Variants in FAT4 observed in about 807,000 individuals in gnomAD.
FAT4 encodes the protein FAT atypical cadherin 4, also known as protocadherin Fat 4.
FAT4 carries 84 observed loss-of-function variants against 303.9 expected under a neutral mutation model. The ratio of observed to expected loss-of-function variants is 0.28; its 90% CI spans 0.23 to 0.33. The LOEUF (loss-of-function observed/expected upper bound fraction) is 0.33. FAT4 is among the 10% of genes least tolerant of loss of function. FAT4 has a pLI of 1.00. For missense variants in FAT4, 6,005 were observed against 6,146.8 expected, an observed-to-expected ratio of 0.98 and a Z score of 0.77; for synonymous variants, 2,307 against 2,298.8, an observed-to-expected ratio of 1.00 and a Z score of -0.10.
chr4:125,427,015 C>T (rs1725108468), intron 7 of FAT4, among the ~76,000 whole-genome samples: 1 of 151,826 alleles, frequency 6.6e-6, no homozygotes, highest in South Asian at 2.1e-4. Context: ...TATTTTCACT[C>T]AGGAGGCAGG....
rs748966577 is a variant in FAT4, at chr4:125,446,394, C to T, written c.7301C>T (p.Thr2434Ile). 2 of 1,613,332 alleles carry T rather than the reference C, an allele frequency of 1.2e-6. No homozygotes were observed. The highest frequency in any genetic ancestry group is 1.7e-6 in the Non-Finnish European group (2 of 1,179,552). The change falls in exon 9 of 18, where the codon ACT becomes ATT. Residue 2434 changes from threonine (T) to isoleucine (I), a missense_variant. Thr to Ile is a moderately conservative substitution (Grantham distance 89). Transcript: ENST00000394329. Reference sequence around the variant, plus strand: ...GATAGGGAAACAAAAGATAATTATACTTTGGTAGTGGTCTGCAGTGATGCG... The same window carrying T: ...GATAGGGAAACAAAAGATAATTATATTTTGGTAGTGGTCTGCAGTGATGCG... ...LLDRETKDNY[T>I]LVVVCSDAGS...
chr4:125,427,953 G>GTATATC (rs1725145812), intron 7 of FAT4, among the ~76,000 whole-genome samples: 1 of 152,050 alleles, frequency 6.6e-6, no homozygotes, highest in African/African-American at 2.4e-5. Flanking sequence ...TATTATCTGT[G>GTATATC]TATATTCTGA....
intron 7 of FAT4, among the ~76,000 whole-genome samples, chr4:125,421,062 C>T (rs545898945): frequency 6.6e-6 from 1 of 152,142 alleles, no homozygotes; most frequent in African/African-American, 2.4e-5. Context: ...TCCCAAGTAA[C>T]TGGGACTACA....
Position 125,490,437 on chromosome 4 carries a change from G to A in FAT4, c.13621G>A (p.Glu4541Lys), listed in dbSNP as rs775440091. 28 of 1,614,000 alleles carry A rather than the reference G, an allele frequency of 1.7e-5. No individual in the cohort carries two copies. The highest frequency in any genetic ancestry group is 2.0e-5 in the Non-Finnish European group (24 of 1,180,026). Reference protein sequence around the residue: ...CRGKKAKNPKEEKKPKEKKKK... With the variant: ...CRGKKAKNPKKEKKPKEKKKK... ...GGGGAAGAAGGCCAAAAATCCCAAA[G>A]AGGAGAAGAAACCGAAGGAGAAGAA... Residue 4541 changes from glutamate to lysine, a missense_variant, in exon 18 of 18, where the codon GAG (glutamate) becomes AAG (lysine). Glu to Lys is a moderately conservative substitution (Grantham distance 56). Coordinates refer to ENST00000394329, the MANE Select transcript of FAT4 (RefSeq NM_001291303.3).
At chr4:125,455,902 T>C (rs1726262099) in intron 10 of FAT4, among the ~76,000 whole-genome samples, 1 of 152,160 alleles carries the variant, frequency 6.6e-6, no homozygotes, top group African/African-American at 2.4e-5. Flanking sequence ...GCTTACAAAA[T>C]CTTCAAACTG....
At chr4:125,442,543 T>C (rs1725695448) in intron 8 of FAT4, among the ~76,000 whole-genome samples, 1 of 152,146 alleles carries the variant, frequency 6.6e-6, no homozygotes, top group South Asian at 2.1e-4. Context: ...CCACACCTGA[T>C]ACCTTTGCTT....
In FAT4 at chr4:125,390,735, G is replaced by A. The variant is rs1325502956; in HGVS notation, c.5176-8049G>A. On this transcript the variant is annotated intron_variant, in intron 2 of 17. Transcript: ENST00000394329. ...TCCAGGTTTACACGTGCCTTTCATG[G>A]TGTTTAGTGTAGCAGCTTTTGAAGC... 2.0e-5 allele frequency among the ~76,000 whole-genome samples: 3 copies of A among 152,138 alleles called. 1 individual carries two copies. Among genetic ancestry groups the A allele is most frequent in the Admixed American group, 2.0e-4 (3 of 15,246 alleles).
intron 7 of FAT4, among the ~76,000 whole-genome samples, chr4:125,420,054 G>C (rs751903455): frequency 3.3e-5 from 5 of 152,126 alleles, no homozygotes; most frequent in Admixed American, 6.6e-5. Flanking sequence ...TCCATGTCAT[G>C]GTCATTTTGT....
intron 2 of FAT4, among the ~76,000 whole-genome samples, chr4:125,398,027 A>G (rs1420437299): frequency 6.6e-6 from 1 of 152,180 alleles, no homozygotes; most frequent in Non-Finnish European, 1.5e-5. Flanking sequence ...TTGAGCTATT[A>G]GCACCTAACT....
intron 2 of FAT4, among the ~76,000 whole-genome samples, chr4:125,368,321 C>T (rs886287981): frequency 1.3e-5 from 2 of 151,768 alleles, no homozygotes; most frequent in African/African-American, 2.4e-5. Context: ...TGGAGGGAAG[C>T]TCCATAGCAT....
At position 125,408,806 on chromosome 4, in the gene FAT4, A is replaced by G; in HGVS notation, c.5920+12A>G. 1 of 1,274,454 alleles carries G rather than the reference A, an allele frequency of 7.8e-7. No homozygotes were observed. The allele number at this position is 1,274,454 out of a possible 1,614,324, so 78.9% of individuals were successfully genotyped here. A position where few individuals can be genotyped will look rare whatever the true frequency, so the allele number is the denominator to read the frequency against. On this transcript the variant is annotated intron_variant, in intron 5 of 17. Coordinates refer to ENST00000394329, the MANE Select transcript of FAT4 (RefSeq NM_001291303.3). ...TGATGCAGATGATGGTATGTATTTT[A>G]TTTAATATAATTTTTAAAACATCTA... is the stretch of plus-strand genomic sequence containing the variant.
chr4:125,403,458 T>G (rs538623866), intron 3 of FAT4, among the ~76,000 whole-genome samples: 1 of 152,228 alleles, frequency 6.6e-6, no homozygotes, highest in Non-Finnish European at 1.5e-5. Flanking sequence ...CTTCTCTTCT[T>G]TTTTCCCATT....
At chr4:125,365,429 C>G (rs781505046) in intron 2 of FAT4, among the ~76,000 whole-genome samples, 2 of 152,154 alleles carry the variant, frequency 1.3e-5, no homozygotes, top group African/African-American at 2.4e-5. Context: ...TCCTCTTTCT[C>G]TTTTTTTCTT....
chr4:125,425,620 G>A lies in FAT4; in HGVS notation c.7019-8625G>A, dbSNP rs146279639. On this transcript the variant is annotated intron_variant, in intron 7 of 17. Coordinates refer to ENST00000394329, the MANE Select transcript of FAT4 (RefSeq NM_001291303.3). ...TTTTATTAAGTATAAAGTACAAAGC[G>A]AATCTTAGATATTATACTATGAACG... Among the ~76,000 whole-genome samples, 426 of 152,024 alleles carry A rather than the reference G, an allele frequency of 2.8e-3. 11 individuals carry two copies. In the East Asian group the frequency reaches 0.046, roughly 16 times the overall value.
chr4:125,464,149 T>G (rs757474727), intron 11 of FAT4, among the ~76,000 whole-genome samples: 9 of 152,224 alleles, frequency 5.9e-5, no homozygotes, highest in Non-Finnish European at 7.4e-5. Flanking sequence ...TAGAAGGACT[T>G]AGTAACTATA....
intron 8 of FAT4, among the ~76,000 whole-genome samples, chr4:125,444,042 A>G (rs1725746793): frequency 6.6e-6 from 1 of 152,172 alleles, no homozygotes. Flanking sequence ...CTATTTGCTC[A>G]TTCATTTTAA....
intron 10 of FAT4, among the ~76,000 whole-genome samples, chr4:125,453,984 A>G (rs1264864222): frequency 6.6e-6 from 1 of 152,164 alleles, no homozygotes; most frequent in Admixed American, 6.5e-5. Flanking sequence ...TGTTCCTTCA[A>G]ATGTGAATAA....
Position 125,459,206 on chromosome 4 carries a change from A to T in FAT4, c.11801-4357A>T, listed in dbSNP as rs181027078. Among the ~76,000 whole-genome samples, 256 of 152,120 alleles carry T rather than the reference A, an allele frequency of 1.7e-3. 1 individual carries two copies. Among genetic ancestry groups the T allele is most frequent in the African/African-American group, 5.6e-3 (234 of 41,568 alleles). On this transcript the variant is annotated intron_variant, in intron 10 of 17. Coordinates refer to ENST00000394329, the MANE Select transcript of FAT4 (RefSeq NM_001291303.3). ...CTACATGTATCATAGGGTATCAAAA[A>T]TTATCGTATCTTCATGGAGTGGTCC...
chr4:125,423,874 C>T (rs1349389986), intron 7 of FAT4, among the ~76,000 whole-genome samples: 1 of 152,156 alleles, frequency 6.6e-6, no homozygotes, highest in African/African-American at 2.4e-5. Flanking sequence ...TTTAACTGCC[C>T]CTCTGCATTT....
Sources: gnomAD v4.1 joint callset for allele counts (sites outside exome capture counted in the v4.1 genomes callset) on GRCh38, gnomAD v4.1.1 for gene constraint, MANE v1.5 for transcripts, NCBI Gene and HGNC (gene_info 2026-07-23, HGNC 2026-07-21) for gene names.